The following SRPK1 variants were observed in gnomAD, a reference collection of about 807,000 sequenced individuals.
SRPK1 encodes the protein SFRS protein kinase 1.
Under a neutral mutation model 89.5 loss-of-function variants are expected in SRPK1, and 52 were observed. The ratio of observed to expected loss-of-function variants is 0.58; its 90% CI spans 0.46 to 0.73. The LOEUF (loss-of-function observed/expected upper bound fraction) is 0.73. Among genes scored for constraint, SRPK1 ranks in the 30% least tolerant of loss-of-function variants. The probability of loss-of-function intolerance (pLI) is 0.00; values close to 1 mark genes in which losing one functional copy is unlikely to be tolerated. For synonymous variants in SRPK1, 255 were observed against 270.2 expected (o/e 0.94, Z 0.55); for missense variants, 603 against 780.6 (o/e 0.77, Z 2.71).
chr6:35,881,309 TG>T (rs1214896875), intron 6 of SRPK1, among the ~76,000 whole-genome samples: 1 of 152,166 alleles, frequency 6.6e-6, no homozygotes, highest in East Asian at 1.9e-4. Flanking sequence ...AAGCTAATAT[TG>T]TAATAATGGT....
chr6:35,856,250 A>C (rs1453589248), intron 13 of SRPK1, among the ~76,000 whole-genome samples: 1 of 151,760 alleles, frequency 6.6e-6, no homozygotes, highest in Admixed American at 6.6e-5. Context: ...GACACACATC[A>C]ATGTGCCAGG....
At chr6:35,862,073 T>TAACAACAAC (rs201751746) in intron 12 of SRPK1, among the ~76,000 whole-genome samples, 130 of 151,648 alleles carry the variant, frequency 8.6e-4, no homozygotes, top group African/African-American at 2.8e-3. Flanking sequence ...CCATCACAGC[T>TAACAACAAC]AACAACAACA....
At chr6:35,918,930 T>C (rs747934391) in intron 2 of SRPK1, among the ~76,000 whole-genome samples, 4 of 152,210 alleles carry the variant, frequency 2.6e-5, no homozygotes, top group Non-Finnish European at 5.9e-5. Context: ...TCTGGACAAA[T>C]AGTCTGAGAG....
chr6:35,859,132 T>C (rs1356729204), intron 12 of SRPK1, among the ~76,000 whole-genome samples: 1 of 152,180 alleles, frequency 6.6e-6, no homozygotes, highest in East Asian at 1.9e-4. Flanking sequence ...GGTATGATCA[T>C]GTAGCCAAAA....
chr6:35,846,696 T>C (rs909461739), intron 13 of SRPK1, among the ~76,000 whole-genome samples: 1 of 151,536 alleles, frequency 6.6e-6, no homozygotes, highest in Non-Finnish European at 1.5e-5. Context: ...CAGAAAAAAA[T>C]GGAAAAATTC....
rs759177193 is a variant in SRPK1 at position 35,872,595 on chromosome 6, C to A, written c.719G>T (p.Arg240Leu). The A allele has an allele frequency of 6.2e-7, 1 of 1,610,282 alleles. No individual in the cohort carries two copies. Among genetic ancestry groups the A allele is most frequent in the Middle Eastern group, 1.7e-4 (1 of 6,056 alleles). ...RLAAEATEWQ[R>L]SGAPPPSGSA... ...TCCGGAAGGCGGAGGAGCTCCAGAT[C>A]GCTGCCATTCTGTTGCTTCTGCAGC... Residue 240 changes from arginine to leucine, a missense_variant, in exon 8 of 16, where the codon CGA becomes CTA. Physicochemically the swap from Arg to Leu is moderately radical, Grantham distance 102. Coordinates refer to ENST00000373825, the MANE Select transcript of SRPK1 (RefSeq NM_003137.5).
chr6:35,899,394 C>T (rs1307317558), intron 2 of SRPK1, among the ~76,000 whole-genome samples: 1 of 152,134 alleles, frequency 6.6e-6, no homozygotes, highest in African/African-American at 2.4e-5. Context: ...ATGCCCTCTG[C>T]CACTCCCCTT....
chr6:35,907,919 C>T (rs1217999374), intron 2 of SRPK1, among the ~76,000 whole-genome samples: 5 of 152,038 alleles, frequency 3.3e-5, no homozygotes, highest in South Asian at 2.1e-4. Context: ...TGAGTTCTCA[C>T]GAGAGCTGAT....
At chr6:35,849,064 G>GA (rs1769481866) in intron 13 of SRPK1, among the ~76,000 whole-genome samples, 2 of 152,016 alleles carry the variant, frequency 1.3e-5, no homozygotes, top group African/African-American at 4.8e-5. Flanking sequence ...TATGGGTTGG[G>GA]AAAAAATATT....
chr6:35,882,856 T>C (rs1396906846), intron 6 of SRPK1, among the ~76,000 whole-genome samples: 2 of 152,088 alleles, frequency 1.3e-5, no homozygotes, highest in African/African-American at 4.8e-5. Flanking sequence ...TCACCCAGGC[T>C]GGAGTGCAGT....
intron 8 of SRPK1, among the ~76,000 whole-genome samples, chr6:35,871,571 T>C (rs1247753277): frequency 1.3e-5 from 2 of 152,204 alleles, no homozygotes; most frequent in African/African-American, 2.4e-5. Flanking sequence ...AGAAACTACA[T>C]CCATTTAACA....
intron 2 of SRPK1, among the ~76,000 whole-genome samples, chr6:35,915,183 C>T (rs1771060493): frequency 1.3e-5 from 2 of 152,086 alleles, no homozygotes; most frequent in African/African-American, 2.4e-5. Context: ...GCGGGCAGAA[C>T]GCGACGTCAG....
intron 6 of SRPK1, among the ~76,000 whole-genome samples, chr6:35,880,948 G>C: frequency 6.6e-6 from 1 of 151,902 alleles, no homozygotes; most frequent in Non-Finnish European, 1.5e-5. Flanking sequence ...AAAGCATCAA[G>C]AAGAGTGACT....
intron 8 of SRPK1, 58 bp from the exon 9 acceptor site, chr6:35,871,017 A>C: frequency 6.9e-7 from 1 of 1,450,940 alleles, no homozygotes; most frequent in Admixed American, 1.9e-5. Flanking sequence ...ATATAAACTA[A>C]GGCTCAGATA....
intron 7 of SRPK1, among the ~76,000 whole-genome samples, chr6:35,873,904 G>A (rs1472301937): frequency 1.3e-5 from 2 of 151,242 alleles, no homozygotes; most frequent in African/African-American, 2.4e-5. Context: ...TCGGCTCACC[G>A]CAAGCTCCGC....
In SRPK1 at chr6:35,899,870, G is replaced by A. The variant is rs541534695; in HGVS notation, c.75-8857C>T. Reference sequence around the variant, plus strand: ...ACAAAAATTAGCTGGGCATGGTAGCGGGCACCTGTAACCCCAGCAACTCGG... The same window carrying A: ...ACAAAAATTAGCTGGGCATGGTAGCAGGCACCTGTAACCCCAGCAACTCGG... On this transcript the variant is annotated intron_variant, in intron 2 of 15. Transcript: ENST00000373825. 3.3e-4 allele frequency among the ~76,000 whole-genome samples: 50 copies of A among 151,798 alleles called. 1 individual carries two copies. Among genetic ancestry groups the A allele is most frequent in the Middle Eastern group, 6.8e-3 (2 of 294 alleles).
At chr6:35,881,392 T>C (rs907564574) in intron 6 of SRPK1, among the ~76,000 whole-genome samples, 131 of 152,144 alleles carry the variant, frequency 8.6e-4, no homozygotes, top group African/African-American at 3.0e-3. Flanking sequence ...GTCTAAAAGC[T>C]AGTATGATTA....
At chr6:35,863,557 A>G (rs900520782) in intron 12 of SRPK1, among the ~76,000 whole-genome samples, 2 of 151,574 alleles carry the variant, frequency 1.3e-5, no homozygotes, top group African/African-American at 4.9e-5. Context: ...AAAATTTCCC[A>G]AGTCTAACAA....
At chr6:35,850,481 T>C (rs906324647) in intron 13 of SRPK1, among the ~76,000 whole-genome samples, 1 of 152,102 alleles carries the variant, frequency 6.6e-6, no homozygotes. Flanking sequence ...AAAAGGAAGG[T>C]TGGGAAACTC....
Sources: allele counts gnomAD v4.1 joint callset (sites outside exome capture counted in the v4.1 genomes callset), GRCh38; gene constraint gnomAD v4.1.1; transcripts MANE v1.5; gene names NCBI Gene and HGNC (gene_info 2026-07-23, HGNC 2026-07-21).